Variants in KCNH7 observed in about 807,000 individuals in gnomAD.
KCNH7 encodes the protein voltage-gated inwardly rectifying potassium channel KCNH7.
KCNH7 carries 49 observed loss-of-function variants against 120.8 expected under a neutral mutation model. That is an observed-to-expected ratio of 0.41 (90% CI 0.32 to 0.51). The LOEUF is 0.51. KCNH7 is among the 20% of genes least tolerant of loss of function. The pLI, the probability that KCNH7 is intolerant of heterozygous loss-of-function variation, is 0.38. For synonymous variants in KCNH7, 547 were observed against 516.1 expected (o/e 1.06, Z -0.81); for missense variants, 1,097 against 1,446.6 (o/e 0.76, Z 3.92).
At chr2:162,721,416 C>G (rs1414841727) in intron 2 of KCNH7, among the ~76,000 whole-genome samples, 1 of 152,028 alleles carries the variant, frequency 6.6e-6, no homozygotes, top group Non-Finnish European at 1.5e-5. Flanking sequence ...TATTTTTACC[C>G]CAATATCTAC....
intron 2 of KCNH7, among the ~76,000 whole-genome samples, chr2:162,611,077 C>A (rs527425303): frequency 1.3e-5 from 2 of 152,144 alleles, no homozygotes; most frequent in Non-Finnish European, 2.9e-5. Context: ...AGGCAGTTCT[C>A]AGGCATGTCA....
At chr2:162,612,457 T>C (rs1287591554) in intron 2 of KCNH7, among the ~76,000 whole-genome samples, 1 of 152,080 alleles carries the variant, frequency 6.6e-6, no homozygotes, top group Non-Finnish European at 1.5e-5. Flanking sequence ...TAGCCTATAT[T>C]CATATAGGTT....
intron 2 of KCNH7, among the ~76,000 whole-genome samples, chr2:162,730,186 C>A (rs1687677347): frequency 6.7e-6 from 1 of 149,070 alleles, no homozygotes; most frequent in South Asian, 2.1e-4. Context: ...AAATTAAGAA[C>A]CATGGATCCA....
intron 10 of KCNH7, among the ~76,000 whole-genome samples, chr2:162,398,290 TC>T (rs1316130849): frequency 4.1e-4 from 63 of 151,852 alleles, no homozygotes; most frequent in Non-Finnish European, 7.4e-5. Context: ...GTAATAAGGT[TC>T]TAATTAGTCA....
chr2:162,451,267 C>G (rs1472225806), intron 6 of KCNH7, among the ~76,000 whole-genome samples: 1 of 151,972 alleles, frequency 6.6e-6, no homozygotes, highest in Non-Finnish European at 1.5e-5. Flanking sequence ...TTTACAGATG[C>G]ATAAAATATT....
At chr2:162,557,144 T>G (rs1692883239) in intron 2 of KCNH7, among the ~76,000 whole-genome samples, 1 of 152,200 alleles carries the variant, frequency 6.6e-6, no homozygotes, top group African/African-American at 2.4e-5. Context: ...TTGGCTGCTG[T>G]CATCTGAAGG....
intron 2 of KCNH7, among the ~76,000 whole-genome samples, chr2:162,713,893 C>T (rs536476080): frequency 8.5e-5 from 13 of 152,144 alleles, no homozygotes; most frequent in South Asian, 2.1e-4. Flanking sequence ...GGATTACAGG[C>T]GCCTGCCACC....
intron 2 of KCNH7, among the ~76,000 whole-genome samples, chr2:162,759,671 G>A (rs986554465): frequency 7.3e-5 from 11 of 151,374 alleles, no homozygotes; most frequent in African/African-American, 2.7e-4. Context: ...AAAGAAGGAA[G>A]AACATGACAA....
chr2:162,824,379 G>C (rs577211114), intron 2 of KCNH7, among the ~76,000 whole-genome samples: 1 of 152,268 alleles, frequency 6.6e-6, no homozygotes, highest in Admixed American at 6.5e-5. Flanking sequence ...TTGAGGTTGT[G>C]CATCATTAAT....
chr2:162,749,410 A>T (rs1297354249), intron 2 of KCNH7, among the ~76,000 whole-genome samples: 1 of 152,168 alleles, frequency 6.6e-6, no homozygotes, highest in East Asian at 1.9e-4. Flanking sequence ...AGAATACATT[A>T]GTGATCAAAA....
chr2:162,662,678 C>T (rs1685003976), intron 2 of KCNH7, among the ~76,000 whole-genome samples: 1 of 152,152 alleles, frequency 6.6e-6, no homozygotes. Context: ...GATCACCCTC[C>T]TTTCTTTGAT....
chr2:162,741,734 T>C (rs1304524626), intron 2 of KCNH7, among the ~76,000 whole-genome samples: 3 of 152,160 alleles, frequency 2.0e-5, no homozygotes, highest in Admixed American at 2.0e-4. Context: ...TAGAGTTTTA[T>C]AAAACACTGT....
At chr2:162,514,874 G>A (rs908308693) in intron 4 of KCNH7, among the ~76,000 whole-genome samples, 1 of 151,688 alleles carries the variant, frequency 6.6e-6, no homozygotes, top group African/African-American at 2.4e-5. Context: ...TTAAAGTTCT[G>A]TGAAGATAGC....
At chr2:162,649,095 T>C (rs1029128363) in intron 2 of KCNH7, among the ~76,000 whole-genome samples, 3 of 152,232 alleles carry the variant, frequency 2.0e-5, no homozygotes, top group African/African-American at 7.2e-5. Flanking sequence ...TTCAGGAAGA[T>C]GGAAATTTCA....
At chr2:162,585,505 A>T (rs1693996787) in intron 2 of KCNH7, among the ~76,000 whole-genome samples, 1 of 152,108 alleles carries the variant, frequency 6.6e-6, no homozygotes, top group East Asian at 1.9e-4. Flanking sequence ...AAACTGGGAT[A>T]CATCTAATCA....
chr2:162,748,256 A>G (rs1458418250), intron 2 of KCNH7, among the ~76,000 whole-genome samples: 1 of 152,156 alleles, frequency 6.6e-6, no homozygotes, highest in African/African-American at 2.4e-5. Context: ...GCTTCTGTGT[A>G]TGTGTCTTAA....
chr2:162,789,599 G>T (rs1163518440), intron 2 of KCNH7, among the ~76,000 whole-genome samples: 2 of 151,930 alleles, frequency 1.3e-5, no homozygotes, highest in African/African-American at 2.4e-5. Context: ...CAGGATCATA[G>T]ATTAGGCCAC....
At chr2:162,457,141 A>G (rs1385321991) in intron 6 of KCNH7, among the ~76,000 whole-genome samples, 1 of 152,152 alleles carries the variant, frequency 6.6e-6, no homozygotes, top group Non-Finnish European at 1.5e-5. Flanking sequence ...ATGAAGCACT[A>G]ACAAAGTAAA....
intron 2 of KCNH7, among the ~76,000 whole-genome samples, chr2:162,782,310 G>A (rs907839340): frequency 3.9e-5 from 6 of 152,124 alleles, no homozygotes; most frequent in African/African-American, 9.7e-5. Flanking sequence ...AAACAGGAAG[G>A]GTGAAGAGGA....
Sources: allele counts gnomAD v4.1 joint callset (sites outside exome capture counted in the v4.1 genomes callset), GRCh38; gene constraint gnomAD v4.1.1; transcripts MANE v1.5; gene names NCBI Gene and HGNC (gene_info 2026-07-23, HGNC 2026-07-21).